RASSF6: variants seen among roughly 807,000 people sequenced by gnomAD.
The protein encoded by RASSF6 is Ras association domain family member 6.
In RASSF6, 52 loss-of-function variants were observed where a neutral mutation model predicts 44.0. The ratio of observed to expected loss-of-function variants is 1.18; its 90% CI spans 0.95 to 1.49. RASSF6 has a LOEUF of 1.49. Among genes scored for constraint, RASSF6 ranks in the 40% most tolerant of loss-of-function variants. The pLI, the probability that RASSF6 is intolerant of heterozygous loss-of-function variation, is 0.00. For missense variants in RASSF6, 464 were observed against 393.3 expected, an observed-to-expected ratio of 1.18 and a Z score of -1.52; for synonymous variants, 162 against 124.6, an observed-to-expected ratio of 1.30 and a Z score of -2.00.
intron 1 of RASSF6, among the ~76,000 whole-genome samples, chr4:73,617,420 G>T (rs1726434461): frequency 6.6e-6 from 1 of 152,216 alleles, no homozygotes; most frequent in East Asian, 1.9e-4. Flanking sequence ...CTGGGTCTGG[G>T]AGGCGCTGCT....
Position 73,611,708 on chromosome 4 carries a change from T to C in RASSF6, c.65+23A>G, listed in dbSNP as rs575667457. 3.0e-5 allele frequency: 44 copies of C among 1,474,542 alleles called. No individual in the cohort carries two copies. In the East Asian group the frequency reaches 6.4e-4, roughly 21 times the overall value. 91.3% of individuals were successfully genotyped at this position (1,474,542 alleles called of 1,614,324 possible). A position where few individuals can be genotyped will look rare whatever the true frequency, so the allele number is the denominator to read the frequency against. On this transcript the variant is annotated intron_variant, in intron 2 of 10. Transcript: ENST00000307439. ...CAAATGACTGGTGAGTAGGACAATG[T>C]ATAATATAAGGTGTGTGGTTACCTG... is the stretch of plus-strand genomic sequence containing the variant.
intron 2 of RASSF6, among the ~76,000 whole-genome samples, chr4:73,605,563 C>T (rs1481293797): frequency 3.3e-5 from 5 of 152,270 alleles, no homozygotes; most frequent in Admixed American, 2.6e-4. Flanking sequence ...TGCATAGAGA[C>T]CCTCCTCAGC....
intron 1 of RASSF6, among the ~76,000 whole-genome samples, chr4:73,614,781 G>A (rs929357690): frequency 6.6e-6 from 1 of 152,072 alleles, no homozygotes; most frequent in African/African-American, 2.4e-5. Context: ...GGGTTTCCAA[G>A]GCTCTTATAT....
intron 3 of RASSF6, among the ~76,000 whole-genome samples, chr4:73,596,954 C>G (rs1052177256): frequency 1.3e-5 from 2 of 152,176 alleles, no homozygotes; most frequent in African/African-American, 2.4e-5. Flanking sequence ...CTTCTTTACA[C>G]CATATACAAA....
chr4:73,585,590 A>G (rs1429534038), intron 5 of RASSF6, among the ~76,000 whole-genome samples: 1 of 151,986 alleles, frequency 6.6e-6, no homozygotes, highest in African/African-American at 2.4e-5. Flanking sequence ...TCTCATTCTT[A>G]TGTTTCATAA....
At chr4:73,604,377 G>A (rs919782902) in intron 2 of RASSF6, 1 of 152,270 alleles carries the variant, frequency 6.6e-6, no homozygotes, top group Non-Finnish European at 1.5e-5. Context: ...CGTGAGTCTA[G>A]GCAGAAGAAT....
In RASSF6 at chr4:73,614,997, T is replaced by C. The variant is rs370961733; in HGVS notation, c.-34-3168A>G. 9.1e-4 allele frequency among the ~76,000 whole-genome samples: 139 copies of C among 152,082 alleles called. 2 individuals are homozygous for C. In the South Asian group the frequency reaches 0.028, roughly 30 times the overall value. The stretch of plus-strand genomic sequence containing the variant: ...GAACATGCTTTGGTAAAAGTCCCAT[T>C]GTTAGTATTAACAGTGAAGTGAAAT... On this transcript the variant is annotated intron_variant, in intron 1 of 10. Coordinates refer to ENST00000307439, the MANE Select transcript of RASSF6 (RefSeq NM_177532.5).
intron 1 of RASSF6, among the ~76,000 whole-genome samples, chr4:73,612,326 A>G (rs1346912524): frequency 6.6e-6 from 1 of 152,172 alleles, no homozygotes; most frequent in East Asian, 1.9e-4. Flanking sequence ...GTTCATATAA[A>G]TGGCATTAGG....
intron 1 of RASSF6, among the ~76,000 whole-genome samples, 180 bp downstream of exon 1, chr4:73,620,108 C>G (rs1726604494): frequency 6.6e-6 from 1 of 152,030 alleles, no homozygotes; most frequent in South Asian, 2.1e-4. Context: ...ACAAGCTTAC[C>G]TTGGTTAGGA....
At chr4:73,594,673 C>T (rs1205373930) in intron 3 of RASSF6, among the ~76,000 whole-genome samples, 2 of 152,192 alleles carry the variant, frequency 1.3e-5, no homozygotes, top group Non-Finnish European at 2.9e-5. Flanking sequence ...ACTTCTTCCA[C>T]TTTTGACTTT....
chr4:73,615,925 A>G, intron 1 of RASSF6: 1 of 1,550,370 alleles, frequency 6.5e-7, no homozygotes, highest in Non-Finnish European at 8.7e-7. Context: ...GCCAGAGGAC[A>G]GGAAGTGAAT....
chr4:73,618,359 C>T (rs976701260), intron 1 of RASSF6, among the ~76,000 whole-genome samples: 12 of 115,742 alleles, frequency 1.0e-4, no homozygotes, highest in Non-Finnish European at 1.7e-4. Flanking sequence ...CACCCAGTTA[C>T]GGTTAAGTAG....
At chr4:73,593,650 T>C in intron 3 of RASSF6, 57 bp from the exon 4 acceptor site, 2 of 1,536,694 alleles carry the variant, frequency 1.3e-6, no homozygotes, top group Non-Finnish European at 8.9e-7. Context: ...AGACGGTAAA[T>C]GTTTTAACGA....
chr4:73,612,881 C>T (rs1463114389), intron 1 of RASSF6, among the ~76,000 whole-genome samples: 2 of 152,160 alleles, frequency 1.3e-5, no homozygotes, highest in Non-Finnish European at 2.9e-5. Flanking sequence ...TCCACTCAAA[C>T]CTACCTTTCC....
At chr4:73,610,922 T>C (rs1725965211) in intron 2 of RASSF6, among the ~76,000 whole-genome samples, 1 of 152,192 alleles carries the variant, frequency 6.6e-6, no homozygotes, top group Non-Finnish European at 1.5e-5. Flanking sequence ...AATAAGTCAG[T>C]GGATCCTTTA....
At chr4:73,586,138 A>T (rs1471272461) in intron 5 of RASSF6, among the ~76,000 whole-genome samples, 2 of 151,848 alleles carry the variant, frequency 1.3e-5, no homozygotes, top group Non-Finnish European at 2.9e-5. Flanking sequence ...CCCATCTTTT[A>T]TAAAAGCAAA....
rs1725431572 is a variant in RASSF6 at position 73,603,686 on chromosome 4, T to G, written c.66-4968A>C. ...CATGAATAATGTACTTAGCATGAAA[T>G]GAGTTCCTCAATCTTATCAGGTATT... On this transcript the variant is annotated intron_variant, in intron 2 of 10. Transcript: ENST00000307439. Among the ~76,000 whole-genome samples, 7 of 152,260 alleles carry G rather than the reference T, an allele frequency of 4.6e-5. No homozygotes were observed. The South Asian group carries it at 1.2e-3, about 27-fold the overall frequency.
At chr4:73,602,110 A>G (rs1432139712) in intron 2 of RASSF6, among the ~76,000 whole-genome samples, 1 of 152,374 alleles carries the variant, frequency 6.6e-6, no homozygotes, top group Non-Finnish European at 1.5e-5. Flanking sequence ...AAAAAACTCA[A>G]GAGTTGGGAT....
chr4:73,601,333 G>T (rs1725263752), intron 2 of RASSF6, among the ~76,000 whole-genome samples: 1 of 145,436 alleles, frequency 6.9e-6, no homozygotes, highest in Non-Finnish European at 1.5e-5. Context: ...CTGTTTTTCT[G>T]TTATAACTGC....
Sources: allele counts gnomAD v4.1 joint callset (sites outside exome capture counted in the v4.1 genomes callset), GRCh38; gene constraint gnomAD v4.1.1; transcripts MANE v1.5; gene names NCBI Gene and HGNC (gene_info 2026-07-23, HGNC 2026-07-21).